NOS2: variants seen among roughly 807,000 people sequenced by gnomAD.
NOS2 encodes nitric oxide synthase, inducible.
In NOS2, 96 loss-of-function variants were observed where a neutral mutation model predicts 136.0. The ratio of observed to expected loss-of-function variants is 0.71; its 90% CI spans 0.60 to 0.84. The LOEUF (loss-of-function observed/expected upper bound fraction) is 0.84. NOS2 is among the 40% of genes least tolerant of loss of function. The probability of loss-of-function intolerance (pLI) is 0.00; values close to 1 mark genes in which losing one functional copy is unlikely to be tolerated. For synonymous variants in NOS2, 539 were observed against 587.5 expected, an observed-to-expected ratio of 0.92 and a Z score of 1.20; for missense variants, 1,237 against 1,496.9, an observed-to-expected ratio of 0.83 and a Z score of 2.87.
At chr17:27,763,229 C>T (rs1415210925) in intron 21 of NOS2, among the ~76,000 whole-genome samples, 2 of 152,200 alleles carry the variant, frequency 1.3e-5, no homozygotes, top group African/African-American at 4.8e-5. Flanking sequence ...CCTCCACTGT[C>T]GGCAACTCAT....
In NOS2 at chr17:27,780,943, C is replaced by A. The variant is rs553915300; in HGVS notation, c.865-37G>T. 5.6e-6 allele frequency: 9 copies of A among 1,599,712 alleles called. No individual in the cohort carries two copies. The South Asian group carries it at 1.0e-4, about 18-fold the overall frequency. ...GACGGGCCCTGTGAGTCTGTAAGCCCGGGCTGCGTGTCTCCTCTGGGCTCC... is the reference window on the plus strand; with the variant it reads ...GACGGGCCCTGTGAGTCTGTAAGCCAGGGCTGCGTGTCTCCTCTGGGCTCC... On this transcript the variant is annotated intron_variant, in intron 8 of 26. Coordinates refer to ENST00000313735, the MANE Select transcript of NOS2 (RefSeq NM_000625.4).
At position 27,798,937 on chromosome 17, in the gene NOS2, G is replaced by A. The variant is rs1597563368; in HGVS notation, c.-73-55C>T. 5 of 665,706 alleles carry A rather than the reference G, an allele frequency of 7.5e-6. No homozygotes were observed. The East Asian group carries it at 1.3e-4, about 18-fold the overall frequency. The allele number at this position is 665,706 out of a possible 1,614,324, so 41.2% of individuals were successfully genotyped here. On this transcript the variant is annotated intron_variant, in intron 1 of 26. Transcript: ENST00000313735. The stretch of plus-strand genomic sequence containing the variant: ...GTTGAAGAAGAGTTTACAGAACAGG[G>A]CTTCTCAGTGGGGTTGGCTCACTGG...
In NOS2 at chr17:27,778,698, T is replaced by A; in HGVS notation, c.1273A>T (p.Ser425Cys). Residue 425 changes from serine to cysteine, a missense_variant, in exon 11 of 27, where the codon AGT (serine) becomes TGT (cysteine). Around this residue, in one of 3 missense-constraint regions of NOS2, gnomAD observed 15 missense variants for 41.6 expected, o/e 0.36. Coordinates refer to ENST00000313735, the MANE Select transcript of NOS2 (RefSeq NM_000625.4). ...VVEINIAVLH[S>C]FQKQNVTIMD... is the part of the protein sequence containing the mutation. ...CAAAACTCCAGACATACCTGGAAAC[T>A]ATGGAGCACAGCAATGTTGATCTCA... 1 of 1,613,880 alleles carries A rather than the reference T, an allele frequency of 6.2e-7. No individual in the cohort carries two copies. The highest frequency in any genetic ancestry group is 8.5e-7 in the Non-Finnish European group (1 of 1,179,760).
Position 27,760,239 on chromosome 17 carries a change from C to T in NOS2, c.3011-61G>A, listed in dbSNP as rs928981208. ...CACCAGAGGGCGCCAGGGCTCCAAG[C>T]CCAACTGGAATTCTCACTTCACTCC... On this transcript the variant is annotated intron_variant, in intron 24 of 26. Coordinates refer to ENST00000313735, the MANE Select transcript of NOS2 (RefSeq NM_000625.4). The T allele has an allele frequency of 1.6e-5, 23 of 1,479,020 alleles. No homozygotes were observed. The African/African-American group carries it at 2.1e-4, about 14-fold the overall frequency. The allele number at this position is 1,479,020 out of a possible 1,614,324, so 91.6% of individuals were successfully genotyped here.
intron 4 of NOS2, 41 bp downstream of exon 4, chr17:27,788,768 G>C (rs776848787): frequency 1.9e-6 from 3 of 1,589,448 alleles, no homozygotes; most frequent in African/African-American, 2.7e-5. Flanking sequence ...AGCTTCACCA[G>C]CTTGGGACAA....
Position 27,758,357 on chromosome 17 carries a change from A to G in NOS2, c.3354+524T>C, listed in dbSNP as rs142405357. On this transcript the variant is annotated intron_variant, in intron 26 of 26. Coordinates refer to ENST00000313735, the MANE Select transcript of NOS2 (RefSeq NM_000625.4). ...CCTCCCTCATAAAGTCCTCGGCAGG[A>G]CTGAATGAAATGTCACATGAGAATC... is the stretch of plus-strand genomic sequence containing the variant. Among the ~76,000 whole-genome samples the G allele has an allele frequency of 3.2e-3, 484 of 152,290 alleles. 3 individuals are homozygous for G. Among genetic ancestry groups the G allele is most frequent in the African/African-American group, 0.011 (454 of 41,562 alleles).
rs1342407697 is a variant in NOS2 at position 27,793,829 on chromosome 17, T to A, written c.111-4141A>T. On this transcript the variant is annotated intron_variant, in intron 2 of 26. Coordinates refer to ENST00000313735, the MANE Select transcript of NOS2 (RefSeq NM_000625.4). ...CGGCGGGGGCTCTTCACCCACGCGATGTCCCGGGCCGAGCTGCCCCTCCTT... is the reference window on the plus strand; with the variant it reads ...CGGCGGGGGCTCTTCACCCACGCGAAGTCCCGGGCCGAGCTGCCCCTCCTT... The A allele has an allele frequency of 1.3e-5, 5 of 371,310 alleles. No individual in the cohort carries two copies. The East Asian group carries it at 2.0e-4, about 15-fold the overall frequency. The allele number at this position is 371,310 out of a possible 1,614,324, so 23.0% of individuals were successfully genotyped here.
At chr17:27,775,665 C>G (rs1908637171) in intron 11 of NOS2, among the ~76,000 whole-genome samples, 1 of 151,946 alleles carries the variant, frequency 6.6e-6, no homozygotes, top group African/African-American at 2.4e-5. Flanking sequence ...CCAGTGTTCT[C>G]AGATATGTGG....
In NOS2 at chr17:27,773,176, A is replaced by G; in HGVS notation, c.1544T>C (p.Leu515Ser). ...KRRPKRREIP[L>S]KVLVKAVLFA... ...TGCCACTCACTTGACCAAGACTTTC[A>G]ATGGAATCTCTCTTCTCTTGGGTCT... The change falls in exon 13 of 27, where the codon TTG (leucine) becomes TCG (serine). Residue 515 changes from leucine to serine, a missense_variant. Leu to Ser is a moderately radical substitution (Grantham distance 145). Around this residue, in one of 3 missense-constraint regions of NOS2, gnomAD observed 782 missense variants for 909.9 expected, o/e 0.86. Transcript: ENST00000313735. 6.2e-7 allele frequency: 1 copy of G among 1,613,930 alleles called. No individual in the cohort carries two copies. Among genetic ancestry groups the G allele is most frequent in the Non-Finnish European group, 8.5e-7 (1 of 1,179,788 alleles).
intron 8 of NOS2, 50 bp downstream of exon 8, chr17:27,780,986 C>G (rs758201762): frequency 6.2e-7 from 1 of 1,603,070 alleles, no homozygotes; most frequent in Non-Finnish European, 8.5e-7. Flanking sequence ...CACTCGCTCA[C>G]CACGGGGCTC....
rs894579737 is a variant in NOS2, at chr17:27,781,063, C to A, written c.837G>T (p.Gly279=). The A allele has an allele frequency of 6.2e-7, 1 of 1,613,740 alleles. No homozygotes were observed. The highest frequency in any genetic ancestry group is 8.5e-7 in the Non-Finnish European group (1 of 1,180,006). Reference sequence around the variant, plus strand: ...GAGTGAATTCCACGTTGGCAGGGTCCCCTCTGATGCTGCCATCTGGCATCT... The same window carrying A: ...GAGTGAATTCCACGTTGGCAGGGTCACCTCTGATGCTGCCATCTGGCATCT... The part of the protein sequence containing the change: ...GYQMPDGSIR[G]DPANVEFTQL... Residue 279 remains glycine, a synonymous_variant, in exon 8 of 27, where the codon GGG becomes GGT. Coordinates refer to ENST00000313735, the MANE Select transcript of NOS2 (RefSeq NM_000625.4).
chr17:27,798,646 C>A lies in NOS2; in HGVS notation c.110+54G>T. The A allele has an allele frequency of 2.8e-6, 3 of 1,087,516 alleles. No homozygotes were observed. The Admixed American group carries it at 5.1e-5, about 18-fold the overall frequency. The allele number at this position is 1,087,516 out of a possible 1,614,324, so 67.4% of individuals were successfully genotyped here. A position where few individuals can be genotyped will look rare whatever the true frequency, so the allele number is the denominator to read the frequency against. ...AGGAATTCTGAGTCATCGGTGCCGA[C>A]AGGGCATGGGTGCCCAAGGAGACAA... On this transcript the variant is annotated intron_variant, in intron 2 of 26. Transcript: ENST00000313735.
intron 12 of NOS2, 122 bp from the exon 13 acceptor site, chr17:27,773,365 C>A (rs539704892): frequency 4.3e-6 from 3 of 697,786 alleles, no homozygotes. Context: ...GGCTGGCCTG[C>A]GCCCCACCCC....
At chr17:27,800,001 T>G (rs1378291902) in intron 1 of NOS2, among the ~76,000 whole-genome samples, 1 of 152,174 alleles carries the variant, frequency 6.6e-6, no homozygotes, top group Non-Finnish European at 1.5e-5. Flanking sequence ...GTTTAATATA[T>G]CCATCTTACC....
chr17:27,763,524 C>T (rs1372327172), intron 21 of NOS2, among the ~76,000 whole-genome samples: 1 of 152,154 alleles, frequency 6.6e-6, no homozygotes. Context: ...ACAACCAGTG[C>T]CTTTTGCAAA....
At chr17:27,797,801 G>A (rs1909401559) in intron 2 of NOS2, among the ~76,000 whole-genome samples, 1 of 152,314 alleles carries the variant, frequency 6.6e-6, no homozygotes. Context: ...TGCCCTGGGA[G>A]GAAGGATGGG....
chr17:27,764,770 A>G (rs754763178), intron 20 of NOS2, among the ~76,000 whole-genome samples: 4 of 152,234 alleles, frequency 2.6e-5, no homozygotes, highest in Non-Finnish European at 5.9e-5. Context: ...TTGTGCCATA[A>G]TAGTTGGTGC....
Position 27,780,873 on chromosome 17 carries a change from C to T in NOS2, c.898G>A (p.Gly300Ser), listed in dbSNP as rs750001710. ...CIDLGWKPKY[G>S]RFDVVPLVLQ... ...ACCAGGGGGACCACATCGAAGCGGC[C>T]GTACTTGGGCTTCCAGCCCAGGTCG... is the stretch of plus-strand genomic sequence containing the variant. The change falls in exon 9 of 27, where the codon GGC (glycine) becomes AGC (serine). Residue 300 changes from glycine to serine, a missense_variant. By Grantham distance (56) the Gly-to-Ser change is moderately conservative (BLOSUM62 0). Coordinates refer to ENST00000313735, the MANE Select transcript of NOS2 (RefSeq NM_000625.4). 7.4e-6 allele frequency: 12 copies of T among 1,613,848 alleles called. No individual in the cohort carries two copies. The highest frequency in any genetic ancestry group is 1.6e-4 in the Middle Eastern group (1 of 6,082).
intron 2 of NOS2, chr17:27,793,719 C>G (rs1909266345): frequency 2.5e-6 from 1 of 393,370 alleles, no homozygotes; most frequent in Non-Finnish European, 4.5e-6. Context: ...GGCGCAGCTC[C>G]GCTGGCTCCA....
Sources: allele counts gnomAD v4.1 joint callset (sites outside exome capture counted in the v4.1 genomes callset), GRCh38; gene constraint gnomAD v4.1.1; regional missense constraint gnomAD v4.1.1; transcripts MANE v1.5; gene names NCBI Gene and HGNC (gene_info 2026-07-23, HGNC 2026-07-21).